NXPE2: variants seen among roughly 807,000 people sequenced by gnomAD.
NXPE2 encodes the protein neurexophilin and PC-esterase domain family member 2, also known as NXPE family member 2.
A neutral mutation model predicts 34.4 loss-of-function variants in NXPE2; 34 were observed. That is an observed-to-expected ratio of 0.99 (90% CI 0.75 to 1.31). NXPE2 has a LOEUF of 1.31. NXPE2 is among the 40% of genes most tolerant of loss of function. The pLI is 0.00. For missense variants in NXPE2, 649 were observed against 672.5 expected (o/e 0.97, Z 0.39); for synonymous variants, 235 against 231.3 (o/e 1.02, Z -0.15).
the NXPE2 span, among the ~76,000 whole-genome samples, chr11:114,666,403 G>C: frequency 6.6e-6 from 1 of 151,924 alleles, no homozygotes; most frequent in Non-Finnish European, 1.5e-5. Flanking sequence ...CCCCTAAAGG[G>C]AAATTGATTA....
At chr11:114,650,466 G>T in the NXPE2 span, among the ~76,000 whole-genome samples, 1 of 152,158 alleles carries the variant, frequency 6.6e-6, no homozygotes, top group Non-Finnish European at 1.5e-5. Flanking sequence ...AGGCATGAAG[G>T]AAGTAATTGG....
the NXPE2 span, among the ~76,000 whole-genome samples, chr11:114,798,392 C>T: frequency 5.3e-5 from 8 of 151,990 alleles, no homozygotes; most frequent in African/African-American, 1.9e-4. Context: ...TTCTCCCTTC[C>T]CTTCCCTTTT....
At chr11:114,753,970 T>A in the NXPE2 span, among the ~76,000 whole-genome samples, 1 of 145,202 alleles carries the variant, frequency 6.9e-6, no homozygotes, top group Non-Finnish European at 1.5e-5. Flanking sequence ...GTGAAGGGCA[T>A]TTGTCCATGT....
the NXPE2 span, among the ~76,000 whole-genome samples, chr11:114,802,178 G>A: frequency 6.6e-6 from 1 of 152,290 alleles, no homozygotes; most frequent in East Asian, 1.9e-4. Context: ...GATTTGGCAA[G>A]AGTGGGTCTG....
At chr11:114,625,471 G>A in the NXPE2 span, among the ~76,000 whole-genome samples, 1 of 150,178 alleles carries the variant, frequency 6.7e-6, no homozygotes, top group Non-Finnish European at 1.5e-5. Flanking sequence ...ACTGTCACCC[G>A]GTGGATAATA....
the NXPE2 span, among the ~76,000 whole-genome samples, chr11:114,590,871 C>A: frequency 2.0e-5 from 3 of 152,164 alleles, no homozygotes; most frequent in South Asian, 2.1e-4. Context: ...TTATGGGGAA[C>A]CTTTGGCTAA....
At chr11:114,681,662 A>G (rs1252024234) in intron 2 of NXPE2, among the ~76,000 whole-genome samples, 6 of 152,120 alleles carry the variant, frequency 3.9e-5, no homozygotes, top group Admixed American at 2.6e-4. Context: ...TTTTTTTAAC[A>G]TAACGATTAT....
chr11:114,761,158 G>C, the NXPE2 span, among the ~76,000 whole-genome samples: 1 of 152,178 alleles, frequency 6.6e-6, no homozygotes, highest in Non-Finnish European at 1.5e-5. Context: ...GAAGTCCTCA[G>C]AAAGGAGGCA....
At chr11:114,663,630 T>TATCC in the NXPE2 span, among the ~76,000 whole-genome samples, 2 of 109,618 alleles carry the variant, frequency 1.8e-5, no homozygotes, top group African/African-American at 6.5e-5. Flanking sequence ...TCTATCTATC[T>TATCC]ATCTATCATC....
At chr11:114,801,473 TAAG>T in the NXPE2 span, among the ~76,000 whole-genome samples, 3 of 152,218 alleles carry the variant, frequency 2.0e-5, no homozygotes, top group Non-Finnish European at 4.4e-5. Flanking sequence ...TAGACCATGA[TAAG>T]AAGCCTGGAT....
At chr11:114,485,851 T>C in the NXPE2 span, among the ~76,000 whole-genome samples, 1 of 152,218 alleles carries the variant, frequency 6.6e-6, no homozygotes, top group Non-Finnish European at 1.5e-5. Context: ...TACGGCTAAA[T>C]AGTACTCCAT....
the NXPE2 span, among the ~76,000 whole-genome samples, chr11:114,612,841 T>C: frequency 4.6e-5 from 7 of 151,866 alleles, no homozygotes; most frequent in African/African-American, 1.5e-4. Context: ...ATAGTAAGTA[T>C]TGCCTTGTGG....
intron 2 of NXPE2, among the ~76,000 whole-genome samples, chr11:114,692,210 C>T (rs1951166843): frequency 6.6e-6 from 1 of 152,162 alleles, no homozygotes; most frequent in South Asian, 2.1e-4. Flanking sequence ...AAAATGGTGT[C>T]ATTTGTGGGT....
In NXPE2 at chr11:114,706,912, C is replaced by T; in HGVS notation, c.1662C>T (p.Phe554=). The change falls in exon 6 of 6, where the codon TTC becomes TTT. Residue 554 remains phenylalanine (F), a synonymous_variant. Coordinates refer to ENST00000389586, the MANE Select transcript of NXPE2 (RefSeq NM_182495.6). The part of the protein sequence containing the change: ...DYVIQNQIGM[F]LNYIC ...TGATTCAAAATCAGATTGGCATGTT[C>T]TTAAACTACATTTGTTAGAGGAAAA... 6.5e-7 allele frequency: 1 copy of T among 1,547,162 alleles called. No individual in the cohort carries two copies. Among genetic ancestry groups the T allele is most frequent in the Non-Finnish European group, 8.7e-7 (1 of 1,143,562 alleles).
chr11:114,550,284 G>C, the NXPE2 span, among the ~76,000 whole-genome samples: 1 of 152,114 alleles, frequency 6.6e-6, no homozygotes, highest in Non-Finnish European at 1.5e-5. Flanking sequence ...AAAGCCAAAA[G>C]TGTTGGGTGT....
At chr11:114,732,325 C>G in the NXPE2 span, among the ~76,000 whole-genome samples, 3 of 152,166 alleles carry the variant, frequency 2.0e-5, no homozygotes, top group Non-Finnish European at 2.9e-5. Context: ...AATTGTATTT[C>G]TGAAGGACCT....
the NXPE2 span, among the ~76,000 whole-genome samples, chr11:114,719,644 C>T: frequency 6.6e-6 from 1 of 152,248 alleles, no homozygotes; most frequent in Non-Finnish European, 1.5e-5. Context: ...GGACAATCTG[C>T]AGAAGCAGCT....
At chr11:114,719,908 A>G in the NXPE2 span, among the ~76,000 whole-genome samples, 2 of 152,132 alleles carry the variant, frequency 1.3e-5, no homozygotes, top group Non-Finnish European at 2.9e-5. Flanking sequence ...GGTTCCCATT[A>G]TCATGCTGTC....
chr11:114,563,898 G>A, the NXPE2 span, among the ~76,000 whole-genome samples: 1 of 152,108 alleles, frequency 6.6e-6, no homozygotes, highest in African/African-American at 2.4e-5. Context: ...CAACCATTGT[G>A]GAAAACAGTA....
Sources: allele counts gnomAD v4.1 joint callset (sites outside exome capture counted in the v4.1 genomes callset), GRCh38; gene constraint gnomAD v4.1.1; transcripts MANE v1.5; gene names NCBI Gene and HGNC (gene_info 2026-07-23, HGNC 2026-07-21).